Variants in ZSCAN31 observed in about 807,000 individuals in gnomAD.
ZSCAN31 encodes zinc finger and SCAN domain-containing protein 31.
ZSCAN31 carries 14 observed loss-of-function variants against 22.5 expected under a neutral mutation model. That is an observed-to-expected ratio of 0.62 (90% CI 0.41 to 0.97). The LOEUF (loss-of-function observed/expected upper bound fraction) is 0.97, where lower values mean the gene tolerates loss of function less well. ZSCAN31 is among the 50% of genes least tolerant of loss of function. The probability of loss-of-function intolerance (pLI) is 0.00; values close to 1 mark genes in which losing one functional copy is unlikely to be tolerated. For missense variants in ZSCAN31, 424 were observed against 483.4 expected, an observed-to-expected ratio of 0.88 and a Z score of 1.15; for synonymous variants, 168 against 169.8, an observed-to-expected ratio of 0.99 and a Z score of 0.08.
intron 2 of ZSCAN31, among the ~76,000 whole-genome samples, chr6:28,350,769 G>A (rs1657746215): frequency 6.6e-6 from 1 of 152,068 alleles, no homozygotes; most frequent in Non-Finnish European, 1.5e-5. Context: ...CTATATTTTA[G>A]GAGGGAAAAA....
At chr6:28,329,229 C>A in intron 2 of ZSCAN31, 74 bp downstream of exon 2, 2 of 1,512,818 alleles carry the variant, frequency 1.3e-6, no homozygotes, top group Admixed American at 4.5e-5. Flanking sequence ...TAGCTATAGC[C>A]AACCAACCTG....
rs1554139986 is a variant in ZSCAN31, at chr6:28,325,470, T to TA, written c.*695_*696insT. 2.9e-5 allele frequency: 4 copies of TA among 138,454 alleles called. No homozygotes were observed. Among genetic ancestry groups the TA allele is most frequent in the African/African-American group, 1.1e-4 (4 of 35,074 alleles). The allele number at this position is 138,454 out of a possible 1,614,324, so 8.6% of individuals were successfully genotyped here. ...GTTGATGATTCATGTCAAACTCATATTAACTCATGATATCAACATATATAT... is the reference window on the plus strand; with the variant it reads ...GTTGATGATTCATGTCAAACTCATATATAACTCATGATATCAACATATATAT... On this transcript the variant is annotated 3_prime_UTR_variant, in exon 4 of 4. Coordinates refer to ENST00000344279, the MANE Select transcript of ZSCAN31 (RefSeq NM_030899.5).
Position 28,327,465 on chromosome 6 carries a change from CTGCT to C in ZSCAN31, c.446_449del (p.Lys149ArgfsTer12), listed in dbSNP as rs1763381356. On this transcript the variant is annotated frameshift_variant, in exon 3 of 4. Transcript: ENST00000344279. LOFTEE classifies it high-confidence loss of function. ...GCTGAAGCTGTATGTCTGTTGGTTC[CTGCT>C]TGACCTTCAGATGTTCCACATCCTC... 1.2e-6 allele frequency: 2 copies of C among 1,613,874 alleles called. No homozygotes were observed. The highest frequency in any genetic ancestry group is 2.2e-5 in the South Asian group (2 of 91,078).
intron 1 of ZSCAN31, chr6:28,335,714 T>G (rs1764110184): frequency 6.6e-6 from 1 of 152,148 alleles, no homozygotes; most frequent in Non-Finnish European, 1.5e-5. Flanking sequence ...CCCTCTCCTT[T>G]CCAGTCCATA....
chr6:28,327,267 T>G, intron 3 of ZSCAN31, 116 bp downstream of exon 3: 1 of 1,242,686 alleles, frequency 8.0e-7, no homozygotes, highest in Non-Finnish European at 1.1e-6. Flanking sequence ...ACAGAACTAT[T>G]AAATGCAGCG....
At chr6:28,327,847 G>A (rs558920968) in intron 2 of ZSCAN31, among the ~76,000 whole-genome samples, 9 of 152,192 alleles carry the variant, frequency 5.9e-5, no homozygotes, top group Middle Eastern at 3.4e-3. Context: ...CTTCTGAGTC[G>A]TAAAAAGTAT....
chr6:28,348,015 TG>T (rs1764716268), intron 2 of ZSCAN31, among the ~76,000 whole-genome samples: 1 of 152,098 alleles, frequency 6.6e-6, no homozygotes, highest in Admixed American at 6.5e-5. Flanking sequence ...GATTCCTCTC[TG>T]GGAATTGCCT....
rs1317757346 is a variant in ZSCAN31 at position 28,351,311 on chromosome 6, T to C, written c.-371+2551A>G. Among the ~76,000 whole-genome samples the C allele has an allele frequency of 6.6e-6, 1 of 152,180 alleles. No homozygotes were observed. The highest frequency in any genetic ancestry group is 1.9e-4 in the East Asian group (1 of 5,200). On this transcript the variant is annotated intron_variant, in intron 2 of 7. Transcript: ENST00000396838. This position sits in a 1 kb window ranked among gnomAD's most constrained non-coding sequence, Gnocchi z 4.6. Reference sequence around the variant, plus strand: ...ATGTATCAGTGTTGTTTTCCTGCCATAGACTTCCTCCCTTCCCCACCGTGG... The same window carrying C: ...ATGTATCAGTGTTGTTTTCCTGCCACAGACTTCCTCCCTTCCCCACCGTGG...
rs974156629 is a variant in ZSCAN31 at position 28,333,674 on chromosome 6, G to T, written c.-96+2408C>A. On this transcript the variant is annotated intron_variant, in intron 1 of 3. Coordinates refer to ENST00000344279, the MANE Select transcript of ZSCAN31 (RefSeq NM_030899.5). The surrounding 1 kb of genome is among the most constrained non-coding windows in gnomAD (Gnocchi z 4.1). ...GAAGAGCACTCTGGACTATCCAAAGGCCCTGAGGAAGTGCATGCTGCCATC... is the reference window on the plus strand; with the variant it reads ...GAAGAGCACTCTGGACTATCCAAAGTCCCTGAGGAAGTGCATGCTGCCATC... 6.6e-6 allele frequency among the ~76,000 whole-genome samples: 1 copy of T among 152,110 alleles called. No homozygotes were observed. Among genetic ancestry groups the T allele is most frequent in the African/African-American group, 2.4e-5 (1 of 41,398 alleles).
intron 2 of ZSCAN31, among the ~76,000 whole-genome samples, chr6:28,328,598 T>G (rs1763493336): frequency 6.6e-6 from 1 of 152,220 alleles, no homozygotes; most frequent in Non-Finnish European, 1.5e-5. Flanking sequence ...CATTTCATAT[T>G]GCTCAAACAC....
intron 1 of ZSCAN31, among the ~76,000 whole-genome samples, chr6:28,330,993 A>T (rs1041491767): frequency 5.9e-5 from 9 of 152,212 alleles, no homozygotes; most frequent in African/African-American, 2.2e-4. Context: ...AATGGCGATA[A>T]AGACAGGCAA....
rs1351166083 is a variant in ZSCAN31 at position 28,349,850 on chromosome 6, G to A, written c.-371+4012C>T. ...GCCTCTTTAATAGCAAAAGGGGAGG[G>A]GACACAAGGTGCCGAGCTAGCAAAC... On this transcript the variant is annotated intron_variant, in intron 2 of 7. Transcript: ENST00000396838. The surrounding 1 kb of genome is among the most constrained non-coding windows in gnomAD (Gnocchi z 4.1). 5 of 152,222 alleles carry A rather than the reference G, an allele frequency of 3.3e-5. No homozygotes were observed. The highest frequency in any genetic ancestry group is 2.9e-5 in the Non-Finnish European group (2 of 68,026). 9.4% of individuals were successfully genotyped at this position (152,222 alleles called of 1,614,324 possible).
intron 2 of ZSCAN31, chr6:28,353,810 AAAAG>A (rs1765227495): frequency 4.4e-6 from 2 of 456,758 alleles, no homozygotes; most frequent in Non-Finnish European, 8.8e-6. Context: ...CTTATTTAAA[AAAAG>A]AAAGACCAGT....
In ZSCAN31 at chr6:28,327,523, T is replaced by C; in HGVS notation, c.392A>G (p.His131Arg). 6.2e-7 allele frequency: 1 copy of C among 1,613,258 alleles called. No homozygotes were observed. Among genetic ancestry groups the C allele is most frequent in the Non-Finnish European group, 8.5e-7 (1 of 1,180,006 alleles). The change falls in exon 3 of 4, where the codon CAT becomes CGT. Residue 131 changes from histidine (H) to arginine (R), a missense_variant. Transcript: ENST00000344279. Reference protein sequence around the residue: ...LSEPGNQAPDHEHGHSEVLLE... With the variant: ...LSEPGNQAPDREHGHSEVLLE... Reference sequence around the variant, plus strand: ...GAGCACTTCAGAATGTCCATGTTCATGGTCTGGAGCCTGAAGGCAGGTAGG... The same window carrying C: ...GAGCACTTCAGAATGTCCATGTTCACGGTCTGGAGCCTGAAGGCAGGTAGG...
At chr6:28,350,167 G>C (rs1764889553) in intron 2 of ZSCAN31, 1 of 152,470 alleles carries the variant, frequency 6.6e-6, no homozygotes, top group Admixed American at 6.6e-5. Flanking sequence ...CCCAAGGAGG[G>C]AGACCCCTGC....
chr6:28,328,626 T>C (rs1458331136), intron 2 of ZSCAN31, among the ~76,000 whole-genome samples: 1 of 152,162 alleles, frequency 6.6e-6, no homozygotes, highest in Non-Finnish European at 1.5e-5. Flanking sequence ...GTACAATTTG[T>C]ACAGTTAATG....
At chr6:28,353,910 G>C (rs769585778) in exon 2 of ZSCAN31, 156 of 455,710 alleles carry the variant, frequency 3.4e-4, no homozygotes, top group African/African-American at 2.7e-3. Context: ...GGTCCGAGGG[G>C]AGTTGTTGGA....
In ZSCAN31 at chr6:28,331,602, T is replaced by C. The variant is rs1404205979; in HGVS notation, c.-95-1824A>G. ...AATGTCTAATGCCAAATGTATATCT[T>C]TTTACTCCTTACTGTAGCATCTGGT... On this transcript the variant is annotated intron_variant, in intron 1 of 3. Transcript: ENST00000344279. This position sits in a 1 kb window ranked among gnomAD's most constrained non-coding sequence, Gnocchi z 4.8. 7.1e-6 allele frequency among the ~76,000 whole-genome samples: 1 copy of C among 141,792 alleles called. No individual in the cohort carries two copies. Among genetic ancestry groups the C allele is most frequent in the Admixed American group, 6.8e-5 (1 of 14,786 alleles). The allele number at this position is 141,792 out of a possible 152,430, so 93.0% of individuals were successfully genotyped here.
rs773647102 is a variant in ZSCAN31, at chr6:28,329,477, C to A, written c.207G>T (p.Arg69Ser). Residue 69 changes from arginine to serine, a missense_variant, in exon 2 of 4, where the codon AGG (arginine) becomes AGT (serine). By Grantham distance (110) the Arg-to-Ser change is moderately radical. Transcript: ENST00000344279. Reference sequence around the variant, plus strand: ...TTTGCTCTTTGGTGTGGATTTCTGGCCTTAGCCACTGATGACAGAGTTCTC... The same window carrying A: ...TTTGCTCTTTGGTGTGGATTTCTGGACTTAGCCACTGATGACAGAGTTCTC... ...RLRELCHQWL[R>S]PEIHTKEQIL... The A allele has an allele frequency of 3.1e-6, 5 of 1,614,158 alleles. No individual in the cohort carries two copies. The highest frequency in any genetic ancestry group is 4.2e-6 in the Non-Finnish European group (5 of 1,180,030).
Sources: allele counts gnomAD v4.1 joint callset (sites outside exome capture counted in the v4.1 genomes callset), GRCh38; gene constraint gnomAD v4.1.1; non-coding constraint Gnocchi (gnomAD v3.1); transcripts MANE v1.5; gene names NCBI Gene and HGNC (gene_info 2026-07-23, HGNC 2026-07-21).